ERBB4: variants seen among roughly 807,000 people sequenced by gnomAD.
ERBB4 encodes erb-b2 receptor tyrosine kinase 4.
A neutral mutation model predicts 158.0 loss-of-function variants in ERBB4; 42 were observed. The observed-to-expected ratio is 0.27, with a 90% CI of 0.21 to 0.34. The LOEUF (loss-of-function observed/expected upper bound fraction) is 0.34, where lower values mean the gene tolerates loss of function less well. Ranked by LOEUF, ERBB4 falls within the 10% of genes least tolerant of loss-of-function variation. The probability of loss-of-function intolerance (pLI) is 1.00; values close to 1 mark genes in which losing one functional copy is unlikely to be tolerated. For missense variants in ERBB4, 1,333 were observed against 1,624.1 expected (o/e 0.82, Z 3.08); for synonymous variants, 583 against 558.7 (o/e 1.04, Z -0.61).
chr2:212,217,259 G>C (rs975403669), intron 1 of ERBB4, among the ~76,000 whole-genome samples: 2 of 151,208 alleles, frequency 1.3e-5, no homozygotes, highest in Non-Finnish European at 1.5e-5. Context: ...GTCTTCTGTG[G>C]AACTGATCAG....
At chr2:212,147,083 G>A (rs563157649) in intron 1 of ERBB4, among the ~76,000 whole-genome samples, 6 of 139,472 alleles carry the variant, frequency 4.3e-5, no homozygotes, top group South Asian at 2.3e-4. Flanking sequence ...CTCCATCTCC[G>A]GGGTTCAAGT....
At chr2:211,722,947 T>C (rs1478423010) in intron 6 of ERBB4, among the ~76,000 whole-genome samples, 3 of 152,210 alleles carry the variant, frequency 2.0e-5, no homozygotes, top group South Asian at 2.1e-4. Context: ...CCAAATGACA[T>C]GTAAAGTACA....
intron 1 of ERBB4, among the ~76,000 whole-genome samples, chr2:212,499,955 G>A (rs966993244): frequency 6.6e-6 from 1 of 152,042 alleles, no homozygotes; most frequent in Non-Finnish European, 1.5e-5. Context: ...AATGTCACCT[G>A]ATAAGTGATT....
At chr2:211,893,341 AAAACTGGCTAGCCATATGTAGAAAGCTG>A (rs1362798523) in intron 3 of ERBB4, among the ~76,000 whole-genome samples, 1 of 144,368 alleles carries the variant, frequency 6.9e-6, no homozygotes, top group Non-Finnish European at 1.5e-5. Context: ...TGGTGCTGGG[AAAACTGGCTAGCCATATGTAGAAAGCTG>A]AAACTGGATC....
intron 1 of ERBB4, among the ~76,000 whole-genome samples, chr2:212,474,050 A>G (rs16848636): frequency 0.022 from 3,383 of 152,240 alleles, 50 homozygotes; most frequent in South Asian, 0.044. Context: ...TTAAAGTTTG[A>G]AAATCATAAA....
At chr2:212,486,379 A>G (rs1041534536) in intron 1 of ERBB4, among the ~76,000 whole-genome samples, 1 of 152,184 alleles carries the variant, frequency 6.6e-6, no homozygotes, top group South Asian at 2.1e-4. Context: ...CGGAAAATCA[A>G]TATTTCTCAA....
At chr2:212,005,776 A>G (rs2076245633) in intron 2 of ERBB4, among the ~76,000 whole-genome samples, 2 of 152,064 alleles carry the variant, frequency 1.3e-5, no homozygotes, top group Non-Finnish European at 1.5e-5. Context: ...CCATATTTCT[A>G]TTTTTCAATA....
chr2:211,560,750 C>CAA (rs143803130), intron 20 of ERBB4, among the ~76,000 whole-genome samples: 8,286 of 152,146 alleles, frequency 0.054, 258 homozygotes, highest in Middle Eastern at 0.13. Flanking sequence ...ATAACAGTTA[C>CAA]AAAATTATAA....
intron 19 of ERBB4, among the ~76,000 whole-genome samples, chr2:211,616,880 A>G (rs1344270413): frequency 6.6e-6 from 1 of 152,138 alleles, no homozygotes; most frequent in African/African-American, 2.4e-5. Flanking sequence ...TTTAAAGAGA[A>G]CAGAGTCTTC....
chr2:211,847,555 T>C (rs2077619883), intron 3 of ERBB4, among the ~76,000 whole-genome samples: 1 of 152,120 alleles, frequency 6.6e-6, no homozygotes, highest in Non-Finnish European at 1.5e-5. Context: ...CAACCTGCAG[T>C]CCACAGGCCA....
At chr2:212,056,112 C>A (rs529017623) in intron 2 of ERBB4, among the ~76,000 whole-genome samples, 2 of 152,266 alleles carry the variant, frequency 1.3e-5, no homozygotes, top group South Asian at 2.1e-4. Flanking sequence ...AAACATGGCA[C>A]GAGAACTACG....
intron 2 of ERBB4, among the ~76,000 whole-genome samples, chr2:211,984,715 A>G (rs1479304311): frequency 6.6e-6 from 1 of 152,160 alleles, no homozygotes. Context: ...ACTTTCAGCC[A>G]TGTTCAAAAG....
intron 1 of ERBB4, among the ~76,000 whole-genome samples, chr2:212,134,281 C>T (rs1213302003): frequency 6.6e-6 from 1 of 151,792 alleles, no homozygotes; most frequent in Non-Finnish European, 1.5e-5. Context: ...ATACAATGAT[C>T]ATACATTACT....
chr2:212,240,665 A>AAAAAAAAAAAAC (rs1559823350), intron 1 of ERBB4, among the ~76,000 whole-genome samples: 5 of 145,902 alleles, frequency 3.4e-5, no homozygotes, highest in African/African-American at 1.3e-4. Context: ...AAAAAAAAAA[A>AAAAAAAAAAAAC]AACAGAAAAA....
chr2:211,670,302 G>A (rs1574957074), intron 14 of ERBB4, among the ~76,000 whole-genome samples: 1 of 152,150 alleles, frequency 6.6e-6, no homozygotes, highest in African/African-American at 2.4e-5. Context: ...CACTGGTTGA[G>A]CTCAGCCATG....
intron 1 of ERBB4, among the ~76,000 whole-genome samples, chr2:212,205,909 G>T (rs2082732192): frequency 6.6e-6 from 1 of 152,190 alleles, no homozygotes; most frequent in South Asian, 2.1e-4. Context: ...AGAGCTTTCT[G>T]AGTAGTAATC....
At position 211,630,531 on chromosome 2, in the gene ERBB4, T is replaced by C. The variant is rs139101167; in HGVS notation, c.2010A>G (p.Thr670=). 4 of 1,613,274 alleles carry C rather than the reference T, an allele frequency of 2.5e-6. No homozygotes were observed. In the African/African-American group the frequency reaches 4.0e-5, roughly 16 times the overall value. ...GLFILVIVGL[T]FAVYVRRKSI... Reference sequence around the variant, plus strand: ...TCTTCCTTCTAACATAAACAGCAAATGTCAGACCCACAATGACCAGAATGA... The same window carrying C: ...TCTTCCTTCTAACATAAACAGCAAACGTCAGACCCACAATGACCAGAATGA... The change falls in exon 17 of 28, where the codon ACA becomes ACG. Residue 670 remains threonine, a synonymous_variant. Coordinates refer to ENST00000342788, the MANE Select transcript of ERBB4 (RefSeq NM_005235.3).
chr2:211,813,204 C>T (rs1484714631), intron 3 of ERBB4, among the ~76,000 whole-genome samples: 1 of 152,052 alleles, frequency 6.6e-6, no homozygotes, highest in East Asian at 1.9e-4. Context: ...TTGATTTTAA[C>T]TATGTGAATG....
chr2:211,386,272 T>G (rs2125316731), intron 27 of ERBB4, among the ~76,000 whole-genome samples: 1 of 152,356 alleles, frequency 6.6e-6, no homozygotes, highest in Non-Finnish European at 1.5e-5. Context: ...AAACCACAGA[T>G]TATTATTTTC....
Sources: allele counts gnomAD v4.1 joint callset (sites outside exome capture counted in the v4.1 genomes callset), GRCh38; gene constraint gnomAD v4.1.1; transcripts MANE v1.5; gene names NCBI Gene and HGNC (gene_info 2026-07-23, HGNC 2026-07-21).